PAPPA2: variants seen among roughly 807,000 people sequenced by gnomAD.
The protein encoded by PAPPA2 is pappalysin-2.
In PAPPA2, 86 loss-of-function variants were observed where a neutral mutation model predicts 176.4. The ratio of observed to expected loss-of-function variants is 0.49; its 90% CI spans 0.41 to 0.58. The LOEUF is 0.58. Among genes scored for constraint, PAPPA2 ranks in the 20% least tolerant of loss-of-function variants. PAPPA2 has a pLI of 0.00. For missense variants in PAPPA2, 2,073 were observed against 2,256.9 expected (o/e 0.92, Z 1.65); for synonymous variants, 809 against 852.2 (o/e 0.95, Z 0.88).
At chr1:176,771,280 C>G in intron 17 of PAPPA2, 100 bp downstream of exon 17, 1 of 1,247,752 alleles carries the variant, frequency 8.0e-7, no homozygotes, top group Non-Finnish European at 1.1e-6. Flanking sequence ...GCTATATTCT[C>G]CAGTCATGAC....
intron 1 of PAPPA2, among the ~76,000 whole-genome samples, chr1:176,545,427 TAAATAAATA>T (rs1358568936): frequency 8.7e-6 from 1 of 114,600 alleles, no homozygotes; most frequent in African/African-American, 3.6e-5. Context: ...AATAAATAAA[TAAATAAATA>T]AATAAATAAA....
intron 4 of PAPPA2, among the ~76,000 whole-genome samples, chr1:176,677,378 C>G (rs954319622): frequency 6.6e-6 from 1 of 152,158 alleles, no homozygotes; most frequent in African/African-American, 2.4e-5. Context: ...GCTTAAGTCA[C>G]TATGTGGAAA....
intron 2 of PAPPA2, among the ~76,000 whole-genome samples, chr1:176,589,830 C>T (rs919574877): frequency 2.6e-5 from 4 of 152,216 alleles, no homozygotes; most frequent in Non-Finnish European, 5.9e-5. Context: ...GCTTGGACTT[C>T]ATTGGTTTTG....
At chr1:176,733,329 T>C (rs1252781920) in intron 12 of PAPPA2, among the ~76,000 whole-genome samples, 1 of 152,162 alleles carries the variant, frequency 6.6e-6, no homozygotes, top group Non-Finnish European at 1.5e-5. Flanking sequence ...AATGAATCTA[T>C]GTGGATCCCT....
intron 2 of PAPPA2, among the ~76,000 whole-genome samples, chr1:176,564,648 T>A (rs986414288): frequency 1.3e-5 from 2 of 152,118 alleles, no homozygotes; most frequent in Non-Finnish European, 2.9e-5. Flanking sequence ...CAGATATTTC[T>A]TGCAGGAAAC....
chr1:176,709,612 T>C (rs1425791382), intron 10 of PAPPA2, among the ~76,000 whole-genome samples: 1 of 152,214 alleles, frequency 6.6e-6, no homozygotes, highest in African/African-American at 2.4e-5. Context: ...TCCTTTCTTC[T>C]TTTACCTACC....
intron 12 of PAPPA2, among the ~76,000 whole-genome samples, chr1:176,734,400 A>C (rs1662302190): frequency 6.6e-6 from 1 of 151,458 alleles, no homozygotes; most frequent in Non-Finnish European, 1.5e-5. Flanking sequence ...TGAAACACAC[A>C]CACACACACA....
At chr1:176,606,943 C>T (rs1299952647) in intron 3 of PAPPA2, among the ~76,000 whole-genome samples, 2 of 152,038 alleles carry the variant, frequency 1.3e-5, no homozygotes, top group East Asian at 3.9e-4. Context: ...TTATACTGGA[C>T]AATAGTCTTA....
chr1:176,805,991 CAAAAAAAAAAA>C (rs11439850), intron 21 of PAPPA2, among the ~76,000 whole-genome samples: 4 of 76,636 alleles, frequency 5.2e-5, no homozygotes, highest in Admixed American at 1.7e-4. Context: ...CTGTCTCTCT[CAAAAAAAAAAA>C]AAAAAAAAAA....
At chr1:176,540,914 T>C (rs1208369695) in intron 1 of PAPPA2, among the ~76,000 whole-genome samples, 2 of 152,186 alleles carry the variant, frequency 1.3e-5, no homozygotes, top group Non-Finnish European at 2.9e-5. Flanking sequence ...TCAAATCCTA[T>C]GTTGATCCTG....
At chr1:176,754,016 T>TA (rs1663301571) in intron 14 of PAPPA2, among the ~76,000 whole-genome samples, 1 of 132,782 alleles carries the variant, frequency 7.5e-6, no homozygotes, top group South Asian at 2.4e-4. Flanking sequence ...CCTTTTCAAC[T>TA]GTTTTTTTTT....
At chr1:176,718,136 G>GT (rs1425550580) in intron 12 of PAPPA2, among the ~76,000 whole-genome samples, 1 of 151,918 alleles carries the variant, frequency 6.6e-6, no homozygotes, top group African/African-American at 2.4e-5. Flanking sequence ...AGAAATTTAG[G>GT]TTTTCTACCT....
intron 20 of PAPPA2, 37 bp downstream of exon 20, chr1:176,793,706 AG>A (rs769697377): frequency 6.8e-7 from 1 of 1,477,754 alleles, no homozygotes. Context: ...CAAAGACATG[AG>A]TCTGCTGAGC....
intron 2 of PAPPA2, among the ~76,000 whole-genome samples, chr1:176,567,439 C>T (rs1652054472): frequency 6.6e-6 from 1 of 152,220 alleles, no homozygotes; most frequent in Non-Finnish European, 1.5e-5. Flanking sequence ...ATAAGTTAAT[C>T]AGTTAGTGAG....
At chr1:176,638,924 G>A (rs964554276) in intron 3 of PAPPA2, among the ~76,000 whole-genome samples, 1 of 144,122 alleles carries the variant, frequency 6.9e-6, no homozygotes, top group African/African-American at 2.7e-5. Flanking sequence ...GTGTGTGTGT[G>A]TGCATGTGCA....
chr1:176,633,330 A>G (rs1365337535), intron 3 of PAPPA2, among the ~76,000 whole-genome samples: 2 of 152,178 alleles, frequency 1.3e-5, no homozygotes, highest in Non-Finnish European at 2.9e-5. Flanking sequence ...AGAAACAAGC[A>G]AGACCTCAGA....
At chr1:176,547,380 C>T (rs1468526991) in intron 1 of PAPPA2, among the ~76,000 whole-genome samples, 1 of 152,112 alleles carries the variant, frequency 6.6e-6, no homozygotes, top group Non-Finnish European at 1.5e-5. Context: ...ACTACTGTTC[C>T]CAATAATTTG....
intron 3 of PAPPA2, among the ~76,000 whole-genome samples, chr1:176,610,545 G>A (rs1047910627): frequency 1.3e-5 from 2 of 152,136 alleles, no homozygotes; most frequent in Admixed American, 1.3e-4. Context: ...TGTTAAAAAG[G>A]AGAAAGAGTG....
rs1165738477 is a variant in PAPPA2 at position 176,670,982 on chromosome 1, T to C, written c.2004T>C (p.Ser668=). ...DPDSPKRAYM[S]VKELKEALQL... is the part of the protein sequence containing the mutation. ...GCATGCTCTCTAGGGCATACATGAG[T>C]GTGAAGGAGCTGAAGGAGGCCCTGC... The change falls in exon 4 of 23, where the codon AGT becomes AGC. Residue 668 remains serine, a synonymous_variant. Transcript: ENST00000367662. The C allele has an allele frequency of 1.2e-6, 2 of 1,613,500 alleles. No homozygotes were observed. Among genetic ancestry groups the C allele is most frequent in the East Asian group, 4.5e-5 (2 of 44,848 alleles).
Sources: allele counts gnomAD v4.1 joint callset (sites outside exome capture counted in the v4.1 genomes callset), GRCh38; gene constraint gnomAD v4.1.1; transcripts MANE v1.5; gene names NCBI Gene and HGNC (gene_info 2026-07-23, HGNC 2026-07-21).